The following FANCL variants were observed in gnomAD, a reference collection of about 807,000 sequenced individuals.
FANCL encodes the protein E3 ubiquitin-protein ligase FANCL.
A neutral mutation model predicts 59.4 loss-of-function variants in FANCL; 69 were observed. The observed-to-expected ratio is 1.16, with a 90% CI of 0.96 to 1.42. The LOEUF (loss-of-function observed/expected upper bound fraction) is 1.42, where lower values mean the gene tolerates loss of function less well. Ranked by LOEUF, FANCL falls within the 40% of genes most tolerant of loss-of-function variation. The pLI is 0.00. For synonymous variants in FANCL, 180 were observed against 147.1 expected (o/e 1.22, Z -1.62); for missense variants, 519 against 447.2 (o/e 1.16, Z -1.45).
At chr2:58,178,633 T>A (rs926522832) in intron 7 of FANCL, among the ~76,000 whole-genome samples, 3 of 152,204 alleles carry the variant, frequency 2.0e-5, no homozygotes, top group Admixed American at 6.5e-5. Flanking sequence ...TCATACTGAA[T>A]GGGCAAAAGC....
Position 58,229,890 on chromosome 2 carries a change from G to A in FANCL, c.156-16C>T, listed in dbSNP as rs765769907. 3 of 1,575,050 alleles carry A rather than the reference G, an allele frequency of 1.9e-6. No individual in the cohort carries two copies. The highest frequency in any genetic ancestry group is 2.6e-6 in the Non-Finnish European group (3 of 1,144,820). ...ACATAATAATCTAAAATTTTAATGA[G>A]ACAAAATGGTTTATTCATTGTTCAG... On this transcript the variant is annotated splice_polypyrimidine_tract_variant and intron_variant, in intron 2 of 13. Transcript: ENST00000233741.
intron 7 of FANCL, among the ~76,000 whole-genome samples, chr2:58,170,023 G>A (rs1230438733): frequency 2.2e-4 from 33 of 152,060 alleles, no homozygotes; most frequent in Non-Finnish European, 2.9e-5. Flanking sequence ...TCCAATTCAG[G>A]AAATACAGAG....
At chr2:58,178,873 C>T (rs544370708) in intron 7 of FANCL, among the ~76,000 whole-genome samples, 78 of 152,286 alleles carry the variant, frequency 5.1e-4, no homozygotes, top group Non-Finnish European at 7.1e-4. Flanking sequence ...TGATAAGCAA[C>T]ATCAGCAAGG....
At chr2:58,180,010 AACCACAATGAGATACT>A (rs1268858349) in intron 7 of FANCL, among the ~76,000 whole-genome samples, 1 of 152,218 alleles carries the variant, frequency 6.6e-6, no homozygotes. Context: ...TGCAAATCAA[AACCACAATGAGATACT>A]ACCACATGCC....
intron 7 of FANCL, among the ~76,000 whole-genome samples, chr2:58,185,770 A>G (rs1688339113): frequency 1.3e-5 from 2 of 152,180 alleles, no homozygotes; most frequent in African/African-American, 4.8e-5. Flanking sequence ...TTGCTTAAGA[A>G]GCACAAGTTA....
At chr2:58,162,746 AGT>A (rs1685391883) in intron 11 of FANCL, 118 bp downstream of exon 11, 1 of 869,586 alleles carries the variant, frequency 1.1e-6, no homozygotes, top group African/African-American at 1.7e-5. Context: ...GCAGATCAGA[AGT>A]CTGTGTTATA....
Position 58,159,694 on chromosome 2 carries a change from A to AGAT in FANCL, c.*68_*70dup. On this transcript the variant is annotated 3_prime_UTR_variant, in exon 14 of 14. Coordinates refer to ENST00000233741, the MANE Select transcript of FANCL (RefSeq NM_018062.4). The stretch of plus-strand genomic sequence containing the variant: ...ATTTCTTGCTTTATTTTTTCTCTGA[A>AGAT]GATGATACCAAAATTCCTTTTGATA... 1 of 1,612,416 alleles carries AGAT rather than the reference A, an allele frequency of 6.2e-7. No homozygotes were observed. Among genetic ancestry groups the AGAT allele is most frequent in the Non-Finnish European group, 8.5e-7 (1 of 1,179,406 alleles).
intron 7 of FANCL, among the ~76,000 whole-genome samples, chr2:58,187,420 TG>T (rs1332354116): frequency 3.6e-5 from 1 of 27,972 alleles, no homozygotes; most frequent in Non-Finnish European, 6.8e-5. Flanking sequence ...TGTCGTGGGG[TG>T]GGGGGGATGG....
At chr2:58,201,880 T>C (rs763424708) in intron 6 of FANCL, among the ~76,000 whole-genome samples, 2 of 151,856 alleles carry the variant, frequency 1.3e-5, no homozygotes, top group Non-Finnish European at 2.9e-5. Context: ...AACAAATGCA[T>C]TTATTTACTG....
rs760145730 is a variant in FANCL, at chr2:58,159,466, C to A, written c.*299G>T. On this transcript the variant is annotated 3_prime_UTR_variant, in exon 14 of 14. Coordinates refer to ENST00000233741, the MANE Select transcript of FANCL (RefSeq NM_018062.4). ...CCCAAACTCATTTTATGAGCCTCATCAAGATTTTACCAGTCCAGATATATT... is the reference window on the plus strand; with the variant it reads ...CCCAAACTCATTTTATGAGCCTCATAAAGATTTTACCAGTCCAGATATATT... 6.2e-7 allele frequency: 1 copy of A among 1,613,620 alleles called. No homozygotes were observed. Among genetic ancestry groups the A allele is most frequent in the Non-Finnish European group, 8.5e-7 (1 of 1,179,726 alleles).
chr2:58,187,677 G>A (rs1688539544), intron 7 of FANCL, among the ~76,000 whole-genome samples: 1 of 152,042 alleles, frequency 6.6e-6, no homozygotes, highest in South Asian at 2.1e-4. Flanking sequence ...TAAGAGCTAA[G>A]TAAATATATT....
intron 7 of FANCL, among the ~76,000 whole-genome samples, chr2:58,173,036 A>C (rs549535599): frequency 1.3e-5 from 2 of 152,368 alleles, no homozygotes; most frequent in South Asian, 2.1e-4. Flanking sequence ...AAAGGGTATC[A>C]GTGACGGAAG....
chr2:58,197,645 T>C (rs376956540), intron 7 of FANCL, among the ~76,000 whole-genome samples: 9 of 152,226 alleles, frequency 5.9e-5, no homozygotes, highest in African/African-American at 2.2e-4. Flanking sequence ...ATCATCAATG[T>C]ACTGCGAAAT....
At chr2:58,219,625 T>C (rs1312512849) in intron 5 of FANCL, among the ~76,000 whole-genome samples, 1 of 151,986 alleles carries the variant, frequency 6.6e-6, no homozygotes, top group Admixed American at 6.6e-5. Flanking sequence ...ACATGTACCC[T>C]TGATATGAAG....
At chr2:58,167,942 C>T (rs1686121883) in intron 7 of FANCL, among the ~76,000 whole-genome samples, 1 of 151,862 alleles carries the variant, frequency 6.6e-6, no homozygotes, top group African/African-American at 2.4e-5. Flanking sequence ...CATTAAATCA[C>T]TAAAAACCCT....
At chr2:58,227,727 C>A (rs951375007) in intron 3 of FANCL, among the ~76,000 whole-genome samples, 2 of 152,074 alleles carry the variant, frequency 1.3e-5, no homozygotes, top group Non-Finnish European at 2.9e-5. Context: ...GTATGGCAGG[C>A]CAGGGTGGTC....
chr2:58,226,579 T>A (rs910740390), intron 4 of FANCL, 149 bp downstream of exon 4: 2 of 667,432 alleles, frequency 3.0e-6, no homozygotes, highest in East Asian at 5.5e-5. Flanking sequence ...AAATGCGTCA[T>A]CTATATTTAT....
Position 58,163,025 on chromosome 2 carries a change from C to T in FANCL, c.821+4G>A. 4 of 1,612,446 alleles carry T rather than the reference C, an allele frequency of 2.5e-6. No individual in the cohort carries two copies. Among genetic ancestry groups the T allele is most frequent in the Non-Finnish European group, 3.4e-6 (4 of 1,178,942 alleles). ...AGTAAAAATTATATTGCCAAGGTACCTACCACAAATGTATGTTCCTGCTCA... is the reference window on the plus strand; with the variant it reads ...AGTAAAAATTATATTGCCAAGGTACTTACCACAAATGTATGTTCCTGCTCA... On this transcript the variant is annotated splice_donor_region_variant and intron_variant, in intron 10 of 13. Coordinates refer to ENST00000233741, the MANE Select transcript of FANCL (RefSeq NM_018062.4).
intron 8 of FANCL, among the ~76,000 whole-genome samples, 199 bp downstream of exon 8, chr2:58,165,524 AT>A (rs1685818733): frequency 1.3e-5 from 2 of 152,178 alleles, no homozygotes; most frequent in African/African-American, 4.8e-5. Flanking sequence ...ATCACCTTTT[AT>A]AATGAAACAC....
Sources: allele counts gnomAD v4.1 joint callset (sites outside exome capture counted in the v4.1 genomes callset), GRCh38; gene constraint gnomAD v4.1.1; transcripts MANE v1.5; gene names NCBI Gene and HGNC (gene_info 2026-07-23, HGNC 2026-07-21).